Variants in MDN1 observed in about 807,000 individuals in gnomAD.
The protein encoded by MDN1 is midasin.
Under a neutral mutation model 669.2 loss-of-function variants are expected in MDN1, and 266 were observed. The observed-to-expected ratio is 0.40, with a 90% CI of 0.36 to 0.44. MDN1 has a LOEUF of 0.44. MDN1 is among the 20% of genes least tolerant of loss of function. The pLI, the probability that MDN1 is intolerant of heterozygous loss-of-function variation, is 1.00. For synonymous variants in MDN1, 2,385 were observed against 2,457.1 expected (o/e 0.97, Z 0.87); for missense variants, 5,940 against 6,754.0 (o/e 0.88, Z 4.22).
chr6:89,732,458 T>C, intron 34 of MDN1, 99 bp downstream of exon 34: 1 of 971,644 alleles, frequency 1.0e-6, no homozygotes, highest in Non-Finnish European at 1.6e-6. Flanking sequence ...TTCTGAGAAG[T>C]GATTCAGTAA....
At chr6:89,786,924 C>CAAAAAAA in intron 8 of MDN1, among the ~76,000 whole-genome samples, 1 of 76,590 alleles carries the variant, frequency 1.3e-5, no homozygotes, top group Non-Finnish European at 2.4e-5. Flanking sequence ...GACTCCATCT[C>CAAAAAAA]AAAAAAAAAA....
intron 88 of MDN1, among the ~76,000 whole-genome samples, chr6:89,659,365 C>T (rs1043251524): frequency 6.6e-6 from 1 of 152,122 alleles, no homozygotes; most frequent in Non-Finnish European, 1.5e-5. Flanking sequence ...AGGGCAAGAC[C>T]CTGTCTCCAA....
Position 89,718,724 on chromosome 6 carries a change from G to T in MDN1, c.6321+43C>A, listed in dbSNP as rs200893391. ...AGAAGACTCTCAGTCAGACCACGGG[G>T]TTTATTATGCTTTGCCAGAAAATAT... On this transcript the variant is annotated intron_variant, in intron 42 of 101. Coordinates refer to ENST00000369393, the MANE Select transcript of MDN1 (RefSeq NM_014611.3). The T allele has an allele frequency of 1.4e-3, 2,232 of 1,610,508 alleles. 8 individuals carry two copies. Among genetic ancestry groups the T allele is most frequent in the Non-Finnish European group, 1.3e-3 (1,529 of 1,177,310 alleles).
In MDN1 at chr6:89,642,967, A is replaced by AGAT. The variant is rs1808261565; in HGVS notation, c.*1035_*1037dup. 6.6e-6 allele frequency: 1 copy of AGAT among 152,272 alleles called. No homozygotes were observed. Among genetic ancestry groups the AGAT allele is most frequent in the Non-Finnish European group, 1.5e-5 (1 of 68,046 alleles). The allele number at this position is 152,272 out of a possible 1,614,324, so 9.4% of individuals were successfully genotyped here. A position where few individuals can be genotyped will look rare whatever the true frequency, so the allele number is the denominator to read the frequency against. ...GTAACTTGGAAACAGACAAGGAGAT[A>AGAT]GATGATTACATCATGACATACTGCC... On this transcript the variant is annotated 3_prime_UTR_variant, in exon 102 of 102. Coordinates refer to ENST00000369393, the MANE Select transcript of MDN1 (RefSeq NM_014611.3).
At chr6:89,648,594 G>A (rs777946967) in intron 97 of MDN1, among the ~76,000 whole-genome samples, 10 of 151,902 alleles carry the variant, frequency 6.6e-5, no homozygotes, top group Admixed American at 2.0e-4. Flanking sequence ...AGGGCCAGGC[G>A]TGGTAGCTCA....
intron 31 of MDN1, among the ~76,000 whole-genome samples, chr6:89,740,897 A>G (rs1816258264): frequency 6.6e-6 from 1 of 152,250 alleles, no homozygotes; most frequent in Admixed American, 6.5e-5. Context: ...ATTTAGTGTA[A>G]TGCACACAAA....
intron 9 of MDN1, 141 bp from the exon 10 acceptor site, chr6:89,781,733 G>T: frequency 1.5e-6 from 1 of 651,204 alleles, no homozygotes. Context: ...GCTCACACCT[G>T]TAATCCCAAC....
intron 97 of MDN1, among the ~76,000 whole-genome samples, chr6:89,648,836 T>C (rs1808659706): frequency 6.6e-6 from 1 of 150,670 alleles, no homozygotes; most frequent in African/African-American, 2.4e-5. Context: ...AAAAACAATT[T>C]AGCCGGGCAT....
At chr6:89,681,214 C>T (rs1332345873) in intron 73 of MDN1, among the ~76,000 whole-genome samples, 1 of 151,992 alleles carries the variant, frequency 6.6e-6, no homozygotes, top group Non-Finnish European at 1.5e-5. Flanking sequence ...GGCTTTGTCA[C>T]CCAGGCTGAA....
intron 1 of MDN1, among the ~76,000 whole-genome samples, chr6:89,814,385 T>A (rs1264043472): frequency 1.6e-5 from 1 of 60,786 alleles, no homozygotes; most frequent in East Asian, 4.3e-4. Flanking sequence ...ATCCCCCTCC[T>A]TTTTTTTTTT....
chr6:89,783,856 T>G (rs1195832049), intron 9 of MDN1, among the ~76,000 whole-genome samples: 1 of 151,866 alleles, frequency 6.6e-6, no homozygotes. Flanking sequence ...ACCCCAATAG[T>G]GGCATGCACC....
At position 89,658,734 on chromosome 6, in the gene MDN1, C is replaced by G. The variant is rs141399098; in HGVS notation, c.14897G>C (p.Gly4966Ala). 6.2e-7 allele frequency: 1 copy of G among 1,614,176 alleles called. No homozygotes were observed. Among genetic ancestry groups the G allele is most frequent in the Non-Finnish European group, 8.5e-7 (1 of 1,180,030 alleles). ...EMDTGADDQDGDAAQHPEEHS... is the reference protein window; with the variant it reads ...EMDTGADDQDADAAQHPEEHS... ...TTCTTCAGGATGCTGAGCAGCATCT[C>G]CATCTTGGTCATCAGCTCCTGTGTC... is the stretch of plus-strand genomic sequence containing the variant. Residue 4966 changes from glycine (G) to alanine (A), a missense_variant, in exon 89 of 102, where the codon GGA (glycine) becomes GCA (alanine). Transcript: ENST00000369393.
chr6:89,695,469 G>A lies in MDN1; in HGVS notation c.9771+136C>T, dbSNP rs1057136976. ...TACAGTCTCTAAAACAGACTCCTGGGAAGTCATAAGGCAACTTATGCAATA... is the reference window on the plus strand; with the variant it reads ...TACAGTCTCTAAAACAGACTCCTGGAAAGTCATAAGGCAACTTATGCAATA... On this transcript the variant is annotated intron_variant, in intron 61 of 101. Coordinates refer to ENST00000369393, the MANE Select transcript of MDN1 (RefSeq NM_014611.3). The surrounding 1 kb of genome is among the most constrained non-coding windows in gnomAD (Gnocchi z 4.1). 6.3e-6 allele frequency: 7 copies of A among 1,112,850 alleles called. No homozygotes were observed. The highest frequency in any genetic ancestry group is 8.9e-6 in the Non-Finnish European group (7 of 788,908). 68.9% of individuals were successfully genotyped at this position (1,112,850 alleles called of 1,614,324 possible).
chr6:89,749,382 C>T lies in MDN1; in HGVS notation c.3616-13G>A. 1 of 1,612,934 alleles carries T rather than the reference C, an allele frequency of 6.2e-7. No homozygotes were observed. The highest frequency in any genetic ancestry group is 1.7e-5 in the Admixed American group (1 of 59,854). ...CTCTAGAAAGGACCTAGACAAAGCA[C>T]AGGAAGAATGCAGTAAAAGGTGCCT... On this transcript the variant is annotated splice_polypyrimidine_tract_variant and intron_variant, in intron 25 of 101. Transcript: ENST00000369393.
At chr6:89,745,142 AAAAAAAAAAAG>A (rs2128317688) in intron 29 of MDN1, 120 bp downstream of exon 29, 1 of 924,718 alleles carries the variant, frequency 1.1e-6, no homozygotes, top group East Asian at 4.0e-5. Flanking sequence ...CTTAAAAAAA[AAAAAAAAAAAG>A]AAAAAAGAGG....
intron 5 of MDN1, among the ~76,000 whole-genome samples, chr6:89,791,122 G>C (rs1819248497): frequency 6.6e-6 from 1 of 152,164 alleles, no homozygotes. Context: ...TATTCCATGG[G>C]AAGTAGGGAA....
At position 89,790,302 on chromosome 6, in the gene MDN1, C is replaced by T; in HGVS notation, c.955G>A (p.Val319Ile). 2 of 1,614,160 alleles carry T rather than the reference C, an allele frequency of 1.2e-6. No homozygotes were observed. The highest frequency in any genetic ancestry group is 2.2e-5 in the South Asian group (2 of 91,074). Residue 319 changes from valine (V) to isoleucine (I), a missense_variant, in exon 6 of 102, where the codon GTT becomes ATT. Physicochemically the swap from Val to Ile is conservative, Grantham distance 29. Around this residue, in one of 5 missense-constraint regions of MDN1, gnomAD observed 1,203 missense variants for 1,268.9 expected, o/e 0.95. Transcript: ENST00000369393. ...CKSLQTLAMA[V>I]ASQNAVLLEG... ...AACAACACAGCATTCTGAGAAGCAA[C>T]CGCCATAGCCAGGGTCTGAAGACTT...
At chr6:89,771,935 G>A (rs1562202037) in intron 14 of MDN1, among the ~76,000 whole-genome samples, 2 of 152,064 alleles carry the variant, frequency 1.3e-5, no homozygotes, top group South Asian at 2.1e-4. Flanking sequence ...TTGAACTCCC[G>A]GGCTCAAGCA....
intron 2 of MDN1, among the ~76,000 whole-genome samples, chr6:89,802,632 T>G (rs1026650710): frequency 4.0e-5 from 6 of 151,878 alleles, no homozygotes; most frequent in African/African-American, 1.5e-4. Context: ...GAGGTTGCAG[T>G]GAGCAGAGGT....
Sources: allele counts gnomAD v4.1 joint callset (sites outside exome capture counted in the v4.1 genomes callset), GRCh38; gene constraint gnomAD v4.1.1; regional missense constraint gnomAD v4.1.1; non-coding constraint Gnocchi (gnomAD v3.1); transcripts MANE v1.5; gene names NCBI Gene and HGNC (gene_info 2026-07-23, HGNC 2026-07-21).